The following SLAMF6 variants were observed in gnomAD, a reference collection of about 807,000 sequenced individuals.
SLAMF6 encodes the protein NK-T-B-antigen.
Under a neutral mutation model 38.3 loss-of-function variants are expected in SLAMF6, and 21 were observed. The ratio of observed to expected loss-of-function variants is 0.55; its 90% CI spans 0.39 to 0.79. SLAMF6 has a LOEUF of 0.79. Among genes scored for constraint, SLAMF6 ranks in the 30% least tolerant of loss-of-function variants. The pLI is 0.00. For synonymous variants in SLAMF6, 152 were observed against 146.3 expected (o/e 1.04, Z -0.28); for missense variants, 341 against 385.3 (o/e 0.89, Z 0.96).
chr1:160,516,954 A>T (rs1019755119), intron 1 of SLAMF6, among the ~76,000 whole-genome samples: 1 of 152,198 alleles, frequency 6.6e-6, no homozygotes, highest in African/African-American at 2.4e-5. Context: ...GCATGGGCAA[A>T]GATTTCATTA....
chr1:160,493,999 C>A (rs1266369627), intron 2 of SLAMF6, among the ~76,000 whole-genome samples: 3 of 152,244 alleles, frequency 2.0e-5, no homozygotes, highest in East Asian at 3.9e-4. Flanking sequence ...GTAGGGATTA[C>A]AATTCGAGAT....
At chr1:160,500,407 C>T (rs1407580347) in intron 1 of SLAMF6, among the ~76,000 whole-genome samples, 1 of 152,160 alleles carries the variant, frequency 6.6e-6, no homozygotes, top group Non-Finnish European at 1.5e-5. Context: ...TTTGCATTTG[C>T]AATCCTTTCT....
intron 1 of SLAMF6, among the ~76,000 whole-genome samples, chr1:160,503,905 A>G (rs6700654): frequency 0.011 from 1,737 of 151,358 alleles, 14 homozygotes; most frequent in Non-Finnish European, 0.017. Context: ...AGAGTGGAAC[A>G]TGCCTGTAGT....
chr1:160,486,811 C>A, intron 7 of SLAMF6, 57 bp from the exon 8 acceptor site: 1 of 1,582,260 alleles, frequency 6.3e-7, no homozygotes, highest in African/African-American at 1.4e-5. Context: ...CTCAGCCCAC[C>A]CCTCATAACT....
At chr1:160,494,613 A>G (rs1462307368) in intron 2 of SLAMF6, among the ~76,000 whole-genome samples, 1 of 152,226 alleles carries the variant, frequency 6.6e-6, no homozygotes, top group African/African-American at 2.4e-5. Flanking sequence ...CCCAAACCCA[A>G]TGACAAATGT....
chr1:160,510,306 T>C (rs1654407072), intron 1 of SLAMF6, among the ~76,000 whole-genome samples: 1 of 152,110 alleles, frequency 6.6e-6, no homozygotes, highest in East Asian at 1.9e-4. Context: ...AACTACAGAC[T>C]GATATCCCTT....
At position 160,507,613 on chromosome 1, in the gene SLAMF6, T is replaced by C. The variant is rs1571305666; in HGVS notation, c.50-11220A>G. Among the ~76,000 whole-genome samples, 7 of 152,240 alleles carry C rather than the reference T, an allele frequency of 4.6e-5. No individual in the cohort carries two copies. The South Asian group carries it at 1.4e-3, about 32-fold the overall frequency. On this transcript the variant is annotated intron_variant, in intron 1 of 7. Transcript: ENST00000368057. ...ATTTTCCTCAAATGCACATAAGTCG[T>C]TCTCATAGGACAGACCATATATTAG...
intron 1 of SLAMF6, among the ~76,000 whole-genome samples, chr1:160,518,861 A>C (rs1654863412): frequency 6.6e-6 from 1 of 152,196 alleles, no homozygotes; most frequent in South Asian, 2.1e-4. Context: ...GCAAACCACC[A>C]GGGCACATGT....
intron 1 of SLAMF6, among the ~76,000 whole-genome samples, chr1:160,500,092 G>T (rs1653804738): frequency 6.6e-6 from 1 of 152,212 alleles, no homozygotes; most frequent in Non-Finnish European, 1.5e-5. Context: ...ATAGGAGGGA[G>T]TATAAAGGAA....
chr1:160,490,043 G>A (rs896444586), intron 5 of SLAMF6, 155 bp downstream of exon 5: 1 of 862,108 alleles, frequency 1.2e-6, no homozygotes, highest in East Asian at 2.4e-5. Flanking sequence ...TAGGACCCAT[G>A]ATTACAGATC....
intron 1 of SLAMF6, among the ~76,000 whole-genome samples, chr1:160,500,271 C>G (rs1260911862): frequency 1.3e-5 from 2 of 152,224 alleles, no homozygotes; most frequent in Non-Finnish European, 2.9e-5. Context: ...AAAACAAAAT[C>G]ATGTCTATGG....
chr1:160,497,596 AACTAATAGGTAGTT>A (rs1653656708), intron 1 of SLAMF6, among the ~76,000 whole-genome samples: 1 of 152,148 alleles, frequency 6.6e-6, no homozygotes, highest in Admixed American at 6.6e-5. Flanking sequence ...TGGACATAAT[AACTAATAGGTAGTT>A]ATTCAACCCA....
intron 1 of SLAMF6, among the ~76,000 whole-genome samples, chr1:160,498,750 A>G (rs769426399): frequency 3.3e-5 from 5 of 151,810 alleles, no homozygotes; most frequent in Non-Finnish European, 7.4e-5. Context: ...TTTTAATAAT[A>G]GCCATTCTGA....
chr1:160,517,181 C>T (rs193106286), intron 1 of SLAMF6, among the ~76,000 whole-genome samples: 4 of 152,030 alleles, frequency 2.6e-5, no homozygotes, highest in African/African-American at 4.8e-5. Context: ...ATCAAACAAC[C>T]CCATTAAAAG....
At chr1:160,491,071 A>G in intron 3 of SLAMF6, 54 bp downstream of exon 3, 2 of 1,595,818 alleles carry the variant, frequency 1.3e-6, no homozygotes, top group Non-Finnish European at 1.7e-6. Context: ...GGATGTGAGG[A>G]CGCGTTAAAC....
chr1:160,495,934 T>C, intron 2 of SLAMF6, 127 bp downstream of exon 2: 1 of 821,090 alleles, frequency 1.2e-6, no homozygotes, highest in Non-Finnish European at 1.9e-6. Flanking sequence ...GTGTTGACAC[T>C]GACTCAATGA....
At chr1:160,518,623 G>T (rs1395372546) in intron 1 of SLAMF6, among the ~76,000 whole-genome samples, 4 of 152,090 alleles carry the variant, frequency 2.6e-5, no homozygotes, top group Non-Finnish European at 5.9e-5. Context: ...CCTTTGCAGG[G>T]ACATGGATGA....
intron 7 of SLAMF6, 69 bp downstream of exon 7, chr1:160,487,035 T>G: frequency 7.2e-7 from 1 of 1,384,346 alleles, no homozygotes; most frequent in Non-Finnish European, 1.0e-6. Context: ...TATTTTTACT[T>G]TATTTGAAAA....
chr1:160,490,833 G>T, intron 3 of SLAMF6, 148 bp from the exon 4 acceptor site: 1 of 1,264,228 alleles, frequency 7.9e-7, no homozygotes, highest in Non-Finnish European at 1.1e-6. Context: ...GTCCTATGTG[G>T]CAGGCAGGGG....
Sources: allele counts gnomAD v4.1 joint callset (sites outside exome capture counted in the v4.1 genomes callset), GRCh38; gene constraint gnomAD v4.1.1; transcripts MANE v1.5; gene names NCBI Gene and HGNC (gene_info 2026-07-23, HGNC 2026-07-21).